The following ROBO1 variants were observed in gnomAD, a reference collection of about 807,000 sequenced individuals.
ROBO1 encodes the protein roundabout guidance receptor 1.
In ROBO1, 149 loss-of-function variants were observed where a neutral mutation model predicts 195.9. The observed-to-expected ratio is 0.76, with a 90% CI of 0.67 to 0.87. The LOEUF is 0.87. ROBO1 is among the 40% of genes least tolerant of loss of function. The pLI is 0.00. For missense variants in ROBO1, 1,933 were observed against 2,068.3 expected (o/e 0.93, Z 1.27); for synonymous variants, 816 against 733.2 (o/e 1.11, Z -1.82).
chr3:79,087,668 G>C (rs1374975515), intron 3 of ROBO1, among the ~76,000 whole-genome samples: 2 of 151,446 alleles, frequency 1.3e-5, no homozygotes, highest in Non-Finnish European at 2.9e-5. Flanking sequence ...TTATCAAGTA[G>C]AAATGGATGC....
At chr3:79,165,586 G>A (rs1401174841) in intron 2 of ROBO1, among the ~76,000 whole-genome samples, 1 of 152,124 alleles carries the variant, frequency 6.6e-6, no homozygotes, top group Non-Finnish European at 1.5e-5. Flanking sequence ...GTTCCCTAAG[G>A]ATTTCCACAA....
intron 3 of ROBO1, among the ~76,000 whole-genome samples, chr3:79,036,874 G>C (rs926735781): frequency 2.0e-5 from 3 of 152,106 alleles, no homozygotes; most frequent in Non-Finnish European, 4.4e-5. Context: ...AAAAAGTCCT[G>C]TGGGATTGAA....
At chr3:78,830,816 C>T (rs13071446) in intron 4 of ROBO1, among the ~76,000 whole-genome samples, 36,920 of 152,028 alleles carry the variant, frequency 0.24, 4,703 homozygotes, top group East Asian at 0.49. Flanking sequence ...ATTTAGAACA[C>T]GGCTTGGATA....
intron 2 of ROBO1, among the ~76,000 whole-genome samples, chr3:79,380,128 T>C (rs1208178538): frequency 6.6e-6 from 1 of 152,214 alleles, no homozygotes; most frequent in Non-Finnish European, 1.5e-5. Context: ...ATGCATCATG[T>C]GATCTCCTTT....
chr3:78,972,762 G>A (rs1435553813), intron 3 of ROBO1, among the ~76,000 whole-genome samples: 1 of 152,104 alleles, frequency 6.6e-6, no homozygotes. Flanking sequence ...TCAGATATCA[G>A]GTTCCATTCC....
Position 78,598,774 on chromosome 3 carries a change from A to C in ROBO1, c.*139T>G. ...AACCCAATAAAGTTTTTAAAATGAT[A>C]TCCCAATAAGAGGAATAAAAACGAC... On this transcript the variant is annotated 3_prime_UTR_variant, in exon 31 of 31. Coordinates refer to ENST00000464233, the MANE Select transcript of ROBO1 (RefSeq NM_002941.4). 1 of 520,708 alleles carries C rather than the reference A, an allele frequency of 1.9e-6. No homozygotes were observed. Among genetic ancestry groups the C allele is most frequent in the South Asian group, 4.1e-5 (1 of 24,236 alleles). The allele number at this position is 520,708 out of a possible 1,614,324, so 32.3% of individuals were successfully genotyped here. A position where few individuals can be genotyped will look rare whatever the true frequency, so the allele number is the denominator to read the frequency against.
At chr3:79,007,700 T>C (rs1387943901) in intron 3 of ROBO1, among the ~76,000 whole-genome samples, 2 of 152,248 alleles carry the variant, frequency 1.3e-5, no homozygotes, top group African/African-American at 4.8e-5. Flanking sequence ...TGTTTTTAAA[T>C]ATGCAAACAT....
intron 2 of ROBO1, among the ~76,000 whole-genome samples, chr3:79,513,716 A>C (rs1037144794): frequency 6.6e-6 from 1 of 152,168 alleles, no homozygotes; most frequent in East Asian, 1.9e-4. Context: ...CATGGAAAAA[A>C]AAAAATCCCA....
At chr3:79,724,478 C>G (rs1402059063) in intron 1 of ROBO1, among the ~76,000 whole-genome samples, 1 of 152,122 alleles carries the variant, frequency 6.6e-6, no homozygotes, top group Non-Finnish European at 1.5e-5. Context: ...CTGTCCATGC[C>G]GAGGTTACGA....
chr3:79,685,044 T>G (rs1947059963), intron 1 of ROBO1, among the ~76,000 whole-genome samples: 1 of 152,160 alleles, frequency 6.6e-6, no homozygotes, highest in South Asian at 2.1e-4. Context: ...ATTGTTGCTC[T>G]TTTTTATTGT....
chr3:79,513,601 G>A (rs2107549819), intron 2 of ROBO1, among the ~76,000 whole-genome samples: 1 of 152,074 alleles, frequency 6.6e-6, no homozygotes, highest in African/African-American at 2.4e-5. Context: ...ATCTTTTATA[G>A]AGCGATTAAG....
At chr3:79,198,264 A>T (rs915289211) in intron 2 of ROBO1, among the ~76,000 whole-genome samples, 5 of 152,112 alleles carry the variant, frequency 3.3e-5, no homozygotes, top group Non-Finnish European at 5.9e-5. Context: ...ATGGCTAGCT[A>T]GTTTTCCCAG....
chr3:79,109,451 CTGTT>C lies in ROBO1; in HGVS notation c.172+16001_172+16004del, dbSNP rs141328033. ...TAAATGAAGCATTATTAAATTTTTT[CTGTT>C]TGTTTTAAATTCTCTTTAAAATAAT... On this transcript the variant is annotated intron_variant, in intron 3 of 30. Transcript: ENST00000464233. Among the ~76,000 whole-genome samples the C allele has an allele frequency of 2.4e-3, 360 of 151,994 alleles. 3 individuals are homozygous for C. Among genetic ancestry groups the C allele is most frequent in the African/African-American group, 8.4e-3 (349 of 41,524 alleles).
chr3:79,507,335 G>A (rs1043810809), intron 2 of ROBO1, among the ~76,000 whole-genome samples: 3 of 152,112 alleles, frequency 2.0e-5, no homozygotes, highest in African/African-American at 4.8e-5. Flanking sequence ...CAAACTATCG[G>A]GACCATTAGA....
At chr3:78,944,645 G>A (rs2040317831) in intron 3 of ROBO1, among the ~76,000 whole-genome samples, 1 of 152,358 alleles carries the variant, frequency 6.6e-6, no homozygotes, top group Admixed American at 6.5e-5. Context: ...CATCTCACTG[G>A]GGAGTGCCAG....
chr3:79,238,518 T>C (rs1176254777), intron 2 of ROBO1, among the ~76,000 whole-genome samples: 1 of 152,210 alleles, frequency 6.6e-6, no homozygotes, highest in African/African-American at 2.4e-5. Context: ...GCTGCCTTTG[T>C]GACCTAAGAA....
intron 2 of ROBO1, among the ~76,000 whole-genome samples, chr3:79,559,771 G>T (rs1373812269): frequency 6.6e-6 from 1 of 152,032 alleles, no homozygotes; most frequent in Non-Finnish European, 1.5e-5. Context: ...ACAAAAATTA[G>T]CTGGGCGTGG....
At chr3:78,763,423 A>ATTT (rs1368319169) in intron 4 of ROBO1, among the ~76,000 whole-genome samples, 1 of 152,114 alleles carries the variant, frequency 6.6e-6, no homozygotes, top group Non-Finnish European at 1.5e-5. Flanking sequence ...GTACTTTATC[A>ATTT]TTTTTACCAT....
chr3:79,393,449 T>G (rs913217293), intron 2 of ROBO1, among the ~76,000 whole-genome samples: 1 of 152,192 alleles, frequency 6.6e-6, no homozygotes, highest in Admixed American at 6.5e-5. Flanking sequence ...ATCTGTGTAG[T>G]TTGAATCAAG....
Sources: allele counts gnomAD v4.1 joint callset (sites outside exome capture counted in the v4.1 genomes callset), GRCh38; gene constraint gnomAD v4.1.1; transcripts MANE v1.5; gene names NCBI Gene and HGNC (gene_info 2026-07-23, HGNC 2026-07-21).